Variants in ADGRV1 observed in about 807,000 individuals in gnomAD.
The protein encoded by ADGRV1 is adhesion G protein-coupled receptor V1.
Under a neutral mutation model 596.2 loss-of-function variants are expected in ADGRV1, and 359 were observed. The observed-to-expected ratio is 0.60, with a 90% CI of 0.55 to 0.66. The LOEUF (loss-of-function observed/expected upper bound fraction) is 0.66, where lower values mean the gene tolerates loss of function less well. Among genes scored for constraint, ADGRV1 ranks in the 30% least tolerant of loss-of-function variants. ADGRV1 has a pLI of 0.00. For synonymous variants in ADGRV1, 2,681 were observed against 2,679.2 expected (o/e 1.00, Z -0.02); for missense variants, 7,274 against 7,575.6 (o/e 0.96, Z 1.48).
intron 87 of ADGRV1, among the ~76,000 whole-genome samples, chr5:91,126,075 A>G (rs1793726473): frequency 1.3e-5 from 2 of 152,170 alleles, no homozygotes; most frequent in African/African-American, 2.4e-5. Context: ...CTCATTTGGC[A>G]CCTCATCATA....
chr5:90,771,041 T>C (rs1452948497), intron 59 of ADGRV1, among the ~76,000 whole-genome samples: 2 of 152,224 alleles, frequency 1.3e-5, no homozygotes, highest in Non-Finnish European at 2.9e-5. Flanking sequence ...TAGTATTTGA[T>C]ACTATTGACA....
chr5:90,689,827 A>G (rs1323719344), intron 29 of ADGRV1, 34 bp from the exon 30 acceptor site: 1 of 1,435,634 alleles, frequency 7.0e-7, no homozygotes, highest in Non-Finnish European at 9.7e-7. Flanking sequence ...ATCATATTTT[A>G]GAAGTCTTAA....
At chr5:90,814,327 C>T (rs1296508888) in intron 74 of ADGRV1, among the ~76,000 whole-genome samples, 1 of 152,286 alleles carries the variant, frequency 6.6e-6, no homozygotes, top group Admixed American at 6.5e-5. Flanking sequence ...CCTATCAGGA[C>T]AGTTCAGTGG....
intron 1 of ADGRV1, chr5:90,614,174 A>G: frequency 2.7e-6 from 1 of 367,662 alleles, no homozygotes; most frequent in Admixed American, 4.4e-5. Flanking sequence ...AAAAAAAAAG[A>G]AAGTTGTCAT....
In ADGRV1 at chr5:90,745,652, G is replaced by T; in HGVS notation, c.10831G>T (p.Asp3611Tyr). 1 of 1,612,906 alleles carries T rather than the reference G, an allele frequency of 6.2e-7. No homozygotes were observed. The highest frequency in any genetic ancestry group is 8.5e-7 in the Non-Finnish European group (1 of 1,179,232). The change falls in exon 52 of 90, where the codon GAT becomes TAT. Residue 3611 changes from aspartate to tyrosine, a missense_variant. Transcript: ENST00000405460. Reference sequence around the variant, plus strand: ...AGCTACAATAGCAGTAAATATCCTTGATGATACAGTTCCAGAAAAAGAAGA... The same window carrying T: ...AGCTACAATAGCAGTAAATATCCTTTATGATACAGTTCCAGAAAAAGAAGA... ...REATIAVNIL[D>Y]DTVPEKEESF... is the part of the protein sequence containing the mutation.
At chr5:90,829,753 A>G in intron 77 of ADGRV1, among the ~76,000 whole-genome samples, 1 of 152,158 alleles carries the variant, frequency 6.6e-6, no homozygotes, top group Non-Finnish European at 1.5e-5. Context: ...TGGCCCCAAC[A>G]ATACCATATA....
intron 84 of ADGRV1, among the ~76,000 whole-genome samples, chr5:90,979,098 G>C (rs1188571335): frequency 6.6e-6 from 1 of 151,002 alleles, no homozygotes; most frequent in African/African-American, 2.4e-5. Flanking sequence ...TTTAAAGTGA[G>C]TGGTGAAAAA....
Position 90,759,605 on chromosome 5 carries a change from AG to A in ADGRV1, c.12120+21del. On this transcript the variant is annotated intron_variant, in intron 58 of 89. Transcript: ENST00000405460. Reference sequence around the variant, plus strand: ...GAAAAGACTGTAAGTTAAACATATCAGGGGAAAGCCTTGTTTCAGGCTAGCG... The same window carrying A: ...GAAAAGACTGTAAGTTAAACATATCAGGGAAAGCCTTGTTTCAGGCTAGCG... 1 of 1,603,288 alleles carries A rather than the reference AG, an allele frequency of 6.2e-7. No homozygotes were observed. The highest frequency in any genetic ancestry group is 1.3e-5 in the African/African-American group (1 of 74,826).
intron 59 of ADGRV1, among the ~76,000 whole-genome samples, chr5:90,773,455 T>C (rs745527998): frequency 1.3e-5 from 2 of 152,020 alleles, no homozygotes; most frequent in African/African-American, 4.8e-5. Flanking sequence ...AATAAAATCA[T>C]TAACATTCTT....
At chr5:91,096,634 TCCC>T (rs1790890851) in intron 86 of ADGRV1, among the ~76,000 whole-genome samples, 1 of 152,216 alleles carries the variant, frequency 6.6e-6, no homozygotes, top group Non-Finnish European at 1.5e-5. Flanking sequence ...TTTTTTTTTC[TCCC>T]TGCAGTGGAA....
chr5:90,573,330 G>A (rs1756786423), intron 1 of ADGRV1, among the ~76,000 whole-genome samples: 1 of 152,098 alleles, frequency 6.6e-6, no homozygotes, highest in African/African-American at 2.4e-5. Context: ...TAATGATGAG[G>A]ATATCTTCTG....
chr5:90,853,633 C>A, intron 80 of ADGRV1, 100 bp downstream of exon 80: 2 of 1,096,474 alleles, frequency 1.8e-6, no homozygotes, highest in Non-Finnish European at 1.3e-6. Context: ...TTGGTAAGTG[C>A]TACACATGGT....
chr5:90,638,864 AT>A (rs1580546966), intron 11 of ADGRV1, among the ~76,000 whole-genome samples: 1 of 152,152 alleles, frequency 6.6e-6, no homozygotes, highest in East Asian at 1.9e-4. Flanking sequence ...GTCTAAACAC[AT>A]TTTTAAAAAT....
chr5:90,637,764 G>C lies in ADGRV1; in HGVS notation c.2056G>C (p.Ala686Pro), dbSNP rs566899223. Residue 686 changes from alanine (A) to proline (P), a missense_variant, in exon 11 of 90, where the codon GCT (alanine) becomes CCT (proline). Around this residue, in one of 5 missense-constraint regions of ADGRV1, gnomAD observed 1,715 missense variants for 1,708.8 expected, o/e 1.00. Transcript: ENST00000405460. ...ACATCGGGATGGAACTGATGGCCAG[G>C]CTACTGTCTACTGGAGTTTGAAGCC... Reference protein sequence around the residue: ...PLHRDGTDGQATVYWSLKPSG... With the variant: ...PLHRDGTDGQPTVYWSLKPSG... The C allele has an allele frequency of 1.9e-6, 3 of 1,613,186 alleles. No individual in the cohort carries two copies. The highest frequency in any genetic ancestry group is 1.7e-5 in the Admixed American group (1 of 59,886).
At chr5:90,658,323 A>C in intron 21 of ADGRV1, 45 bp downstream of exon 21, 1 of 1,465,916 alleles carries the variant, frequency 6.8e-7, no homozygotes, top group Non-Finnish European at 9.0e-7. Flanking sequence ...AATTCATTGT[A>C]GGTGGATTTG....
chr5:90,956,516 C>T (rs1409193928), intron 83 of ADGRV1, among the ~76,000 whole-genome samples: 4 of 152,142 alleles, frequency 2.6e-5, no homozygotes, highest in Non-Finnish European at 4.4e-5. Flanking sequence ...CCACAGAATT[C>T]GTAAACTGTC....
intron 77 of ADGRV1, among the ~76,000 whole-genome samples, chr5:90,834,225 C>A (rs1343007040): frequency 6.6e-6 from 1 of 152,130 alleles, no homozygotes; most frequent in East Asian, 1.9e-4. Context: ...TGTGTCCTTG[C>A]TATTAACCAT....
chr5:90,721,212 T>C (rs1750876151), intron 45 of ADGRV1, among the ~76,000 whole-genome samples, 153 bp downstream of exon 45: 1 of 152,198 alleles, frequency 6.6e-6, no homozygotes, highest in Non-Finnish European at 1.5e-5. Flanking sequence ...AAATATGTGT[T>C]GAGGCTGGGC....
intron 75 of ADGRV1, among the ~76,000 whole-genome samples, chr5:90,820,667 A>T (rs1296377586): frequency 1.0e-4 from 15 of 143,684 alleles, no homozygotes; most frequent in African/African-American, 3.1e-4. Flanking sequence ...TTTCTCCTTC[A>T]CTTATGAAGC....
Sources: gnomAD v4.1 joint callset for allele counts (sites outside exome capture counted in the v4.1 genomes callset) on GRCh38, gnomAD v4.1.1 for gene constraint, gnomAD v4.1.1 regional missense constraint, MANE v1.5 for transcripts, NCBI Gene and HGNC (gene_info 2026-07-23, HGNC 2026-07-21) for gene names.